The following RAB38 variants were observed in gnomAD, a reference collection of about 807,000 sequenced individuals.
RAB38 encodes RAB38, member RAS oncogene family, also known as ras-related protein Rab-38.
Under a neutral mutation model 18.4 loss-of-function variants are expected in RAB38, and 15 were observed. The ratio of observed to expected loss-of-function variants is 0.82; its 90% CI spans 0.55 to 1.26. The LOEUF (loss-of-function observed/expected upper bound fraction) is 1.26. Among genes scored for constraint, RAB38 ranks in the 50% most tolerant of loss-of-function variants. RAB38 has a pLI of 0.00. For missense variants in RAB38, 294 were observed against 267.4 expected (o/e 1.10, Z -0.69); for synonymous variants, 101 against 104.4 (o/e 0.97, Z 0.20).
At chr11:87,884,469 G>C in the RAB38 span, among the ~76,000 whole-genome samples, 2 of 151,954 alleles carry the variant, frequency 1.3e-5, no homozygotes, top group African/African-American at 4.8e-5. Flanking sequence ...AAGATGGTTT[G>C]TAGCAGAGAA....
the RAB38 span, among the ~76,000 whole-genome samples, chr11:88,028,703 A>C: frequency 6.6e-6 from 1 of 152,192 alleles, no homozygotes; most frequent in Non-Finnish European, 1.5e-5. Context: ...GAAATGAACA[A>C]AGCCTCCAAG....
the RAB38 span, among the ~76,000 whole-genome samples, chr11:88,013,590 G>A: frequency 6.6e-6 from 1 of 152,232 alleles, no homozygotes; most frequent in African/African-American, 2.4e-5. Context: ...GAAAAATGCT[G>A]CAGTGAAACA....
chr11:87,851,166 C>T, the RAB38 span, among the ~76,000 whole-genome samples: 1 of 152,170 alleles, frequency 6.6e-6, no homozygotes, highest in Non-Finnish European at 1.5e-5. Flanking sequence ...TAATTAGACA[C>T]CTCTTACTGA....
At chr11:87,838,620 G>T in the RAB38 span, among the ~76,000 whole-genome samples, 78 of 152,264 alleles carry the variant, frequency 5.1e-4, no homozygotes, top group Non-Finnish European at 5.9e-4. Flanking sequence ...CTTTATCAAG[G>T]AGAAGCATTC....
the RAB38 span, among the ~76,000 whole-genome samples, chr11:87,833,237 T>C: frequency 1.6e-4 from 24 of 152,204 alleles, no homozygotes; most frequent in Non-Finnish European, 3.2e-4. Context: ...TTTTCTTCTT[T>C]AGCCTTTTTT....
chr11:88,023,740 A>C, the RAB38 span, among the ~76,000 whole-genome samples: 1 of 152,108 alleles, frequency 6.6e-6, no homozygotes, highest in African/African-American at 2.4e-5. Context: ...AAACAAATCT[A>C]AACACCTACA....
At chr11:88,173,677 A>G in intron 1 of RAB38, 1 of 985,136 alleles carries the variant, frequency 1.0e-6, no homozygotes, top group Non-Finnish European at 1.2e-6. Flanking sequence ...AAGGGTTTTC[A>G]GACATTATGA....
At chr11:88,012,406 G>A in the RAB38 span, among the ~76,000 whole-genome samples, 5 of 152,176 alleles carry the variant, frequency 3.3e-5, no homozygotes, top group South Asian at 2.1e-4. Flanking sequence ...GGTAAGTAAC[G>A]GGGAGGAAGA....
intron 2 of RAB38, among the ~76,000 whole-genome samples, chr11:88,122,808 T>C (rs1325741223): frequency 6.6e-6 from 1 of 152,230 alleles, no homozygotes; most frequent in Non-Finnish European, 1.5e-5. Context: ...ATTAAATGCT[T>C]TTATTCTGGC....
At chr11:87,941,212 G>GATATAATATATATAT in the RAB38 span, among the ~76,000 whole-genome samples, 7 of 37,780 alleles carry the variant, frequency 1.9e-4, no homozygotes, top group African/African-American at 9.1e-4. Context: ...ATAAATATAT[G>GATATAATATATATAT]AGATATATAT....
chr11:87,939,103 A>T, the RAB38 span, among the ~76,000 whole-genome samples: 1 of 152,160 alleles, frequency 6.6e-6, no homozygotes, highest in East Asian at 1.9e-4. Flanking sequence ...CTCAGTTCCC[A>T]ATCAAACCTA....
At chr11:87,939,379 T>TACACACACAC in the RAB38 span, among the ~76,000 whole-genome samples, 700 of 146,386 alleles carry the variant, frequency 4.8e-3, 4 homozygotes, top group Admixed American at 7.0e-3. Flanking sequence ...CACACATACA[T>TACACACACAC]ACACACACAC....
chr11:88,025,726 T>C, the RAB38 span, among the ~76,000 whole-genome samples: 1 of 152,206 alleles, frequency 6.6e-6, no homozygotes, highest in African/African-American at 2.4e-5. Context: ...GCTGTGTGTT[T>C]TTTGCTTGTT....
chr11:87,917,735 T>C, the RAB38 span, among the ~76,000 whole-genome samples: 1 of 152,168 alleles, frequency 6.6e-6, no homozygotes, highest in East Asian at 1.9e-4. Flanking sequence ...TCCTCATTGG[T>C]GCAGTCAGTG....
chr11:87,964,901 AACAGCTTTCTCGCTC>A, the RAB38 span, among the ~76,000 whole-genome samples: 2 of 152,182 alleles, frequency 1.3e-5, no homozygotes. Flanking sequence ...TCTATATATT[AACAGCTTTCTCGCTC>A]ACTTGCATCC....
At chr11:88,091,997 T>C in the RAB38 span, among the ~76,000 whole-genome samples, 2 of 151,834 alleles carry the variant, frequency 1.3e-5, no homozygotes, top group Non-Finnish European at 2.9e-5. Flanking sequence ...TTTTGGGTCA[T>C]TGCCATGGAA....
chr11:88,077,704 C>A, the RAB38 span, among the ~76,000 whole-genome samples: 1 of 152,110 alleles, frequency 6.6e-6, no homozygotes, highest in Non-Finnish European at 1.5e-5. Context: ...TGGGAAAATA[C>A]TTCAGGACAT....
At chr11:88,060,874 G>A in the RAB38 span, among the ~76,000 whole-genome samples, 1 of 152,152 alleles carries the variant, frequency 6.6e-6, no homozygotes, top group Non-Finnish European at 1.5e-5. Flanking sequence ...TTCCAAAAAT[G>A]CTGAATTATG....
At chr11:87,815,205 C>G in the RAB38 span, 2 of 152,162 alleles carry the variant, frequency 1.3e-5, no homozygotes, top group African/African-American at 4.8e-5. Flanking sequence ...GCACTGACTT[C>G]ATGGATAGAA....
Sources: allele counts gnomAD v4.1 joint callset (sites outside exome capture counted in the v4.1 genomes callset), GRCh38; gene constraint gnomAD v4.1.1; transcripts MANE v1.5; gene names NCBI Gene and HGNC (gene_info 2026-07-23, HGNC 2026-07-21).